The following COQ8A variants were observed in gnomAD, a reference collection of about 807,000 sequenced individuals.
COQ8A encodes the protein atypical kinase COQ8A, mitochondrial.
In COQ8A, 51 loss-of-function variants were observed where a neutral mutation model predicts 65.0. The ratio of observed to expected loss-of-function variants is 0.78; its 90% confidence interval spans 0.63 to 0.99. COQ8A has a LOEUF of 0.99. Among genes scored for constraint, COQ8A ranks in the 50% least tolerant of loss-of-function variants. The pLI is 0.00. For missense variants in COQ8A, 940 were observed against 875.0 expected (o/e 1.07, Z -0.94); for synonymous variants, 371 against 353.2 (o/e 1.05, Z -0.57).
chr1:226,982,876 C>G lies in COQ8A; in HGVS notation c.940-18C>G, dbSNP rs1369127115. Reference sequence around the variant, plus strand: ...AGGCAGGGCATGCTCAGAGCCCCTCCCTGGCCCTGCCCTTCAGAAAACTCT... The same window carrying G: ...AGGCAGGGCATGCTCAGAGCCCCTCGCTGGCCCTGCCCTTCAGAAAACTCT... On this transcript the variant is annotated intron_variant, in intron 7 of 14. Coordinates refer to ENST00000366777, the MANE Select transcript of COQ8A (RefSeq NM_020247.5). 3.7e-6 allele frequency: 6 copies of G among 1,612,590 alleles called. No individual in the cohort carries two copies. Among genetic ancestry groups the G allele is most frequent in the Non-Finnish European group, 5.1e-6 (6 of 1,179,856 alleles).
chr1:226,944,313 A>G (rs1186013555), intron 1 of COQ8A, among the ~76,000 whole-genome samples: 1 of 152,104 alleles, frequency 6.6e-6, no homozygotes, highest in East Asian at 1.9e-4. Flanking sequence ...GATGGTAGCC[A>G]TGTCCAGAGG....
At chr1:226,960,417 G>C (rs1252043195) in intron 1 of COQ8A, among the ~76,000 whole-genome samples, 2 of 151,274 alleles carry the variant, frequency 1.3e-5, no homozygotes, top group Admixed American at 6.6e-5. Context: ...GGTGGCGGTG[G>C]TACTTGGTGG....
chr1:226,985,392 C>T (rs776454480), intron 14 of COQ8A, 52 bp downstream of exon 14: 138 of 1,594,088 alleles, frequency 8.7e-5, no homozygotes, highest in Non-Finnish European at 1.0e-4. Flanking sequence ...GGGCCCGGCT[C>T]CCTGTGTAAG....
chr1:226,943,612 C>G (rs1241240135), intron 1 of COQ8A, among the ~76,000 whole-genome samples: 3 of 152,146 alleles, frequency 2.0e-5, no homozygotes, highest in Admixed American at 2.0e-4. Context: ...GGGGGAGGAG[C>G]TGGTTGATGG....
intron 4 of COQ8A, among the ~76,000 whole-genome samples, chr1:226,973,445 G>C (rs1446367514): frequency 2.0e-5 from 3 of 152,198 alleles, no homozygotes; most frequent in Admixed American, 6.5e-5. Flanking sequence ...CCTGGGACTA[G>C]AGCCCAGGCC....
At chr1:226,955,765 C>G (rs868768397) in intron 1 of COQ8A, among the ~76,000 whole-genome samples, 2 of 111,378 alleles carry the variant, frequency 1.8e-5, no homozygotes, top group Admixed American at 8.2e-5. Flanking sequence ...CTCCCTGGCT[C>G]CCACTCCCTG....
chr1:226,941,947 A>T (rs1431478627), intron 1 of COQ8A, among the ~76,000 whole-genome samples: 1 of 152,186 alleles, frequency 6.6e-6, no homozygotes, highest in Non-Finnish European at 1.5e-5. Flanking sequence ...TATCTAAGAC[A>T]AAGTTTTTCA....
At position 226,982,089 on chromosome 1, in the gene COQ8A, C is replaced by A; in HGVS notation, c.793C>A (p.Arg265Ser). 1 of 1,612,390 alleles carries A rather than the reference C, an allele frequency of 6.2e-7. No individual in the cohort carries two copies. The highest frequency in any genetic ancestry group is 1.1e-5 in the South Asian group (1 of 90,958). Residue 265 changes from arginine to serine, a missense_variant, in exon 6 of 15, where the codon CGC (arginine) becomes AGC (serine). By Grantham distance (110) the Arg-to-Ser change is moderately radical (BLOSUM62 -1). Transcript: ENST00000366777. ...LSEANAERIV[R>S]TLCKVRGAAL... ...CGAGGCCAATGCAGAGCGGATCGTG[C>A]GCACGCTCTGCAAGGTGCGTGGTGC... is the stretch of plus-strand genomic sequence containing the variant.
rs1000372381 is a variant in COQ8A, at chr1:226,965,262, C to T, written c.440C>T (p.Ala147Val). ...GGCAGGGCCAACGGGAGGCTCTTTG[C>T]AAACCCCAGAGACTCATTCTCTGCC... Reference protein sequence around the residue: ...PLGRANGRLFANPRDSFSAMG... With the variant: ...PLGRANGRLFVNPRDSFSAMG... Residue 147 changes from alanine (A) to valine (V), a missense_variant, in exon 3 of 15, where the codon GCA becomes GTA. Transcript: ENST00000366777. The T allele has an allele frequency of 1.9e-6, 3 of 1,614,030 alleles. No individual in the cohort carries two copies. The highest frequency in any genetic ancestry group is 2.5e-6 in the Non-Finnish European group (3 of 1,180,042).
At chr1:226,970,528 T>G (rs1011874945) in intron 4 of COQ8A, among the ~76,000 whole-genome samples, 1 of 152,258 alleles carries the variant, frequency 6.6e-6, no homozygotes, top group South Asian at 2.1e-4. Flanking sequence ...CTGTCGTATA[T>G]GCAGTCCGTT....
In COQ8A at chr1:226,979,924, T is replaced by C. The variant is rs561996137; in HGVS notation, c.731-2103T>C. ...CCCTACTGTCCTCTCCAAAGCTGGC[T>C]GTTCTCCAGACTACCTCATCCAAGC... On this transcript the variant is annotated intron_variant, in intron 5 of 14. Coordinates refer to ENST00000366777, the MANE Select transcript of COQ8A (RefSeq NM_020247.5). 4.6e-5 allele frequency among the ~76,000 whole-genome samples: 7 copies of C among 152,324 alleles called. No individual in the cohort carries two copies. The South Asian group carries it at 6.2e-4, about 14-fold the overall frequency.
At position 226,965,084 on chromosome 1, in the gene COQ8A, G is replaced by A. The variant is rs750098045; in HGVS notation, c.262G>A (p.Gly88Arg). The change falls in exon 3 of 15, where the codon GGA becomes AGA. Residue 88 changes from glycine to arginine, a missense_variant. Gly to Arg is a moderately radical substitution (Grantham distance 125). Transcript: ENST00000366777. ...EFHFSVPHAA[G>R]ASTDFSSASA... ...CCACTTCTCAGTCCCGCATGCAGCC[G>A]GAGCCTCCACAGACTTCTCTTCAGC... The A allele has an allele frequency of 2.8e-5, 45 of 1,613,790 alleles. 1 individual carries two copies. The highest frequency in any genetic ancestry group is 3.6e-5 in the Non-Finnish European group (43 of 1,180,028).
intron 13 of COQ8A, 119 bp downstream of exon 13, chr1:226,985,060 C>A: frequency 7.2e-7 from 1 of 1,382,218 alleles, no homozygotes. Context: ...ATCTGCGCTG[C>A]CTGCCCCTCA....
chr1:226,986,773 C>T lies in COQ8A; in HGVS notation c.*36C>T, dbSNP rs540989292. The stretch of plus-strand genomic sequence containing the variant: ...CACGCCCAGGCCGGCTCCGCGGGAA[C>T]TCTCTCCCTCAGACAGGCCAAAAAC... On this transcript the variant is annotated 3_prime_UTR_variant, in exon 15 of 15. Coordinates refer to ENST00000366777, the MANE Select transcript of COQ8A (RefSeq NM_020247.5). 2.1e-5 allele frequency: 34 copies of T among 1,601,190 alleles called. No homozygotes were observed. In the South Asian group the frequency reaches 3.5e-4, roughly 17 times the overall value.
At chr1:226,958,885 G>GTGGGAGACTGGTGTTCC (rs1470016065) in intron 1 of COQ8A, among the ~76,000 whole-genome samples, 1 of 152,234 alleles carries the variant, frequency 6.6e-6, no homozygotes, top group Non-Finnish European at 1.5e-5. Flanking sequence ...AGTAGGGTAG[G>GTGGGAGACTGGTGTTCC]TGGGAGACTG....
intron 1 of COQ8A, among the ~76,000 whole-genome samples, chr1:226,944,215 G>C (rs1656860897): frequency 6.6e-6 from 1 of 152,056 alleles, no homozygotes; most frequent in Non-Finnish European, 1.5e-5. Context: ...TGAGCCCTCA[G>C]GTGTCACAGA....
chr1:226,971,090 GC>G (rs1338976346), intron 4 of COQ8A, among the ~76,000 whole-genome samples: 1 of 151,880 alleles, frequency 6.6e-6, no homozygotes, highest in Non-Finnish European at 1.5e-5. Flanking sequence ...ACAGGTGCAT[GC>G]CACCACACCC....
chr1:226,985,201 C>T lies in COQ8A; in HGVS notation c.1573-53C>T, dbSNP rs542169377. On this transcript the variant is annotated intron_variant, in intron 13 of 14. Transcript: ENST00000366777. ...TGTGGCACTTGGCTCCCTGGGATGT[C>T]GGGAGCTGAGCTTTTCATGCTGCCC... 60 of 1,582,092 alleles carry T rather than the reference C, an allele frequency of 3.8e-5. 1 individual carries two copies. The East Asian group carries it at 6.3e-4, about 17-fold the overall frequency.
At chr1:226,953,353 T>G (rs1462026311) in intron 1 of COQ8A, among the ~76,000 whole-genome samples, 3 of 152,256 alleles carry the variant, frequency 2.0e-5, no homozygotes, top group African/African-American at 7.2e-5. Flanking sequence ...AATGACTATG[T>G]GGAATGCCCT....
Sources: gnomAD v4.1 joint callset for allele counts (sites outside exome capture counted in the v4.1 genomes callset) on GRCh38, gnomAD v4.1.1 for gene constraint, MANE v1.5 for transcripts, NCBI Gene and HGNC (gene_info 2026-07-23, HGNC 2026-07-21) for gene names.